LIPC: variants seen among roughly 807,000 people sequenced by gnomAD.
LIPC encodes lipase C, hepatic type.
A neutral mutation model predicts 50.7 loss-of-function variants in LIPC; 44 were observed. That is an observed-to-expected ratio of 0.87 (90% CI 0.68 to 1.11). The LOEUF (loss-of-function observed/expected upper bound fraction) is 1.11, where lower values mean the gene tolerates loss of function less well. LIPC is among the 50% of genes most tolerant of loss of function. The pLI is 0.00. For missense variants in LIPC, 697 were observed against 648.2 expected (o/e 1.08, Z -0.82); for synonymous variants, 271 against 256.4 (o/e 1.06, Z -0.54).
Position 58,567,296 on chromosome 15 carries a change from TATATATATAC to T in LIPC, c.1389-1411_1389-1402del, listed in dbSNP as rs1463398604. ...GTGTGTGTGTGTATATATATATACA[TATATATATAC>T]ATATATATGTATATGTGTATATATA... is the stretch of plus-strand genomic sequence containing the variant. On this transcript the variant is annotated intron_variant, in intron 8 of 8. Coordinates refer to ENST00000299022, the MANE Select transcript of LIPC (RefSeq NM_000236.3). Among the ~76,000 whole-genome samples the T allele has an allele frequency of 8.9e-3, 344 of 38,678 alleles. 6 individuals are homozygous for T. Among genetic ancestry groups the T allele is most frequent in the African/African-American group, 0.012 (141 of 12,226 alleles). The allele number at this position is 38,678 out of a possible 152,430, so 25.4% of individuals were successfully genotyped here. A position where few individuals can be genotyped will look rare whatever the true frequency, so the allele number is the denominator to read the frequency against.
intron 1 of LIPC, among the ~76,000 whole-genome samples, chr15:58,511,202 A>G (rs1892320908): frequency 6.6e-6 from 1 of 152,174 alleles, no homozygotes; most frequent in Non-Finnish European, 1.5e-5. Flanking sequence ...GGTCTTGTGT[A>G]ATTCTGGCAT....
chr15:58,443,483 G>A (rs1382300838), intron 1 of LIPC, among the ~76,000 whole-genome samples: 4 of 152,244 alleles, frequency 2.6e-5, no homozygotes, highest in Non-Finnish European at 5.9e-5. Context: ...GCCCTGTGAT[G>A]TCAAGCTTAA....
chr15:58,505,703 T>C lies in LIPC; in HGVS notation c.89-32630T>C, dbSNP rs577114275. On this transcript the variant is annotated intron_variant, in intron 1 of 8. Coordinates refer to ENST00000299022, the MANE Select transcript of LIPC (RefSeq NM_000236.3). ...TTCAACACATCCTCAAATGACACAGTTTCCAGTCCCCTCACTCTTAGTCAC... is the reference window on the plus strand; with the variant it reads ...TTCAACACATCCTCAAATGACACAGCTTCCAGTCCCCTCACTCTTAGTCAC... Among the ~76,000 whole-genome samples, 311 of 152,258 alleles carry C rather than the reference T, an allele frequency of 2.0e-3. 1 individual carries two copies. Among genetic ancestry groups the C allele is most frequent in the African/African-American group, 7.4e-3 (307 of 41,542 alleles).
chr15:58,461,715 G>A (rs959907540), intron 1 of LIPC, among the ~76,000 whole-genome samples: 8 of 151,770 alleles, frequency 5.3e-5, no homozygotes, highest in African/African-American at 1.5e-4. Flanking sequence ...ACTGGGCCCC[G>A]CCACCTATGT....
chr15:58,527,302 C>G (rs1892825554), intron 1 of LIPC, among the ~76,000 whole-genome samples: 1 of 152,156 alleles, frequency 6.6e-6, no homozygotes, highest in Non-Finnish European at 1.5e-5. Context: ...AACCGCTGTG[C>G]TGCAGACCCC....
Position 58,471,330 on chromosome 15 carries a change from G to GGGGT in LIPC, c.88+39213_88+39214insTGGG, listed in dbSNP as rs767745717. Among the ~76,000 whole-genome samples the GGGGT allele has an allele frequency of 9.4e-4, 111 of 118,414 alleles. 2 individuals carry two copies. The highest frequency in any genetic ancestry group is 1.6e-3 in the Non-Finnish European group (88 of 55,728). The allele number at this position is 118,414 out of a possible 152,430, so 77.7% of individuals were successfully genotyped here. On this transcript the variant is annotated intron_variant, in intron 1 of 8. Coordinates refer to ENST00000299022, the MANE Select transcript of LIPC (RefSeq NM_000236.3). Reference sequence around the variant, plus strand: ...TTTTTTTGTATTTTTAGTAGAGATGGGGGGGGGTGGTCTCACCATGTTGGC... The same window carrying GGGGT: ...TTTTTTTGTATTTTTAGTAGAGATGGGGGTGGGGGGGTGGTCTCACCATGTTGGC...
At chr15:58,480,013 A>G (rs1891132471) in intron 1 of LIPC, among the ~76,000 whole-genome samples, 2 of 152,230 alleles carry the variant, frequency 1.3e-5, no homozygotes, top group Non-Finnish European at 2.9e-5. Context: ...GAAGGCACAC[A>G]GTACATGTTG....
intron 1 of LIPC, among the ~76,000 whole-genome samples, chr15:58,492,935 A>G (rs1891634977): frequency 6.6e-6 from 1 of 152,128 alleles, no homozygotes; most frequent in Non-Finnish European, 1.5e-5. Context: ...TTTCCCCCGT[A>G]TGCCCCTAAT....
At chr15:58,542,382 G>A (rs1893361397) in intron 3 of LIPC, 152 bp from the exon 4 acceptor site, 1 of 727,732 alleles carries the variant, frequency 1.4e-6, no homozygotes, top group Non-Finnish European at 2.5e-6. Context: ...GAGTCAGCCA[G>A]TTGAGAGATT....
intron 6 of LIPC, among the ~76,000 whole-genome samples, chr15:58,555,124 A>T (rs183030174): frequency 3.0e-4 from 45 of 152,332 alleles, no homozygotes; most frequent in African/African-American, 1.0e-3. Flanking sequence ...GCATCCTCTA[A>T]AGCTGACTCC....
At chr15:58,495,797 C>T (rs940088828) in intron 1 of LIPC, among the ~76,000 whole-genome samples, 1 of 152,214 alleles carries the variant, frequency 6.6e-6, no homozygotes, top group Non-Finnish European at 1.5e-5. Context: ...ATTTTACACA[C>T]AGTCAGCATC....
intron 1 of LIPC, among the ~76,000 whole-genome samples, chr15:58,490,820 C>T (rs1277835487): frequency 6.6e-6 from 1 of 152,118 alleles, no homozygotes; most frequent in Non-Finnish European, 1.5e-5. Flanking sequence ...TGAACCACTG[C>T]CAGCCAGTTA....
intron 1 of LIPC, among the ~76,000 whole-genome samples, chr15:58,527,834 A>C (rs1245833045): frequency 6.6e-6 from 1 of 152,208 alleles, no homozygotes; most frequent in Non-Finnish European, 1.5e-5. Context: ...GTGGGCCTTC[A>C]GTCTCTAAAA....
chr15:58,550,279 A>T (rs1016675136), intron 6 of LIPC, among the ~76,000 whole-genome samples: 1 of 152,096 alleles, frequency 6.6e-6, no homozygotes, highest in Admixed American at 6.6e-5. Flanking sequence ...AAAAGAGGTC[A>T]TTTTTCATCT....
In LIPC at chr15:58,463,047, C is replaced by T. The variant is rs140788290; in HGVS notation, c.88+30927C>T. 3.1e-3 allele frequency among the ~76,000 whole-genome samples: 473 copies of T among 152,344 alleles called. 5 individuals carry two copies. Among genetic ancestry groups the T allele is most frequent in the African/African-American group, 0.011 (437 of 41,576 alleles). On this transcript the variant is annotated intron_variant, in intron 1 of 8. Coordinates refer to ENST00000299022, the MANE Select transcript of LIPC (RefSeq NM_000236.3). ...AAGTCGATTCCAATCTCTTCTCTCC[C>T]AGCGTGGACTGCCCCTGGAGCAGCA...
At chr15:58,520,758 T>C (rs1271288292) in intron 1 of LIPC, among the ~76,000 whole-genome samples, 2 of 152,224 alleles carry the variant, frequency 1.3e-5, no homozygotes, top group East Asian at 3.8e-4. Context: ...GCCTGATTAA[T>C]GCCGCTTAAT....
chr15:58,529,082 T>G (rs1223523192), intron 1 of LIPC, among the ~76,000 whole-genome samples: 1 of 152,098 alleles, frequency 6.6e-6, no homozygotes, highest in Non-Finnish European at 1.5e-5. Flanking sequence ...AATTGTGTAG[T>G]TTATGTCTGG....
At chr15:58,558,195 C>A (rs1391609485) in intron 6 of LIPC, among the ~76,000 whole-genome samples, 28 of 152,108 alleles carry the variant, frequency 1.8e-4, no homozygotes, top group Non-Finnish European at 2.6e-4. Flanking sequence ...ACCTCAGCCT[C>A]CCGAGTAGCT....
intron 1 of LIPC, among the ~76,000 whole-genome samples, chr15:58,502,894 ACT>A (rs1892033458): frequency 6.7e-6 from 1 of 150,182 alleles, no homozygotes; most frequent in African/African-American, 2.5e-5. Flanking sequence ...CCCCCAAGCA[ACT>A]CTCAGCCTGT....
Sources: allele counts gnomAD v4.1 joint callset (sites outside exome capture counted in the v4.1 genomes callset), GRCh38; gene constraint gnomAD v4.1.1; transcripts MANE v1.5; gene names NCBI Gene and HGNC (gene_info 2026-07-23, HGNC 2026-07-21).